Variants in ZNF451 observed in about 807,000 individuals in gnomAD.
ZNF451 encodes the protein E3 SUMO-protein ligase ZNF451.
A neutral mutation model predicts 107.1 loss-of-function variants in ZNF451; 80 were observed. That is an observed-to-expected ratio of 0.75 (90% confidence interval 0.62 to 0.90). The LOEUF (loss-of-function observed/expected upper bound fraction) is 0.90. Among genes scored for constraint, ZNF451 ranks in the 40% least tolerant of loss-of-function variants. ZNF451 has a pLI of 0.00. For missense variants in ZNF451, 1,107 were observed against 1,236.2 expected, an observed-to-expected ratio of 0.90 and a Z score of 1.57; for synonymous variants, 362 against 406.5, an observed-to-expected ratio of 0.89 and a Z score of 1.32.
At chr6:57,104,964 T>A in intron 3 of ZNF451, 1 of 984,746 alleles carries the variant, frequency 1.0e-6, no homozygotes, top group Non-Finnish European at 1.2e-6. Context: ...AATAGATTAG[T>A]TTCTTGATTG....
In ZNF451 at chr6:57,148,621, CAG is replaced by C; in HGVS notation, c.2537_2538del (p.Gln846ArgfsTer15). 1 of 1,614,006 alleles carries C rather than the reference CAG, an allele frequency of 6.2e-7. No homozygotes were observed. The highest frequency in any genetic ancestry group is 8.5e-7 in the Non-Finnish European group (1 of 1,179,930). ...SASHTERKLK[Q>X]AINYSKSLDM... The stretch of plus-strand genomic sequence containing the variant: ...CTCACATACAGAGAGAAAACTGAAA[CAG>C]GCAATAAACTATTCAAAAAGTTTAG... On this transcript the variant is annotated frameshift_variant, in exon 10 of 15. Coordinates refer to ENST00000370706, the MANE Select transcript of ZNF451 (RefSeq NM_001031623.3). LOFTEE classifies it high-confidence loss of function.
At position 57,160,327 on chromosome 6, in the gene ZNF451, G is replaced by A. The variant is rs573173500; in HGVS notation, c.3071-757G>A. 7.4e-4 allele frequency among the ~76,000 whole-genome samples: 103 copies of A among 139,972 alleles called. 1 individual carries two copies. The highest frequency in any genetic ancestry group is 9.6e-4 in the Non-Finnish European group (63 of 65,558). The allele number at this position is 139,972 out of a possible 152,430, so 91.8% of individuals were successfully genotyped here. ...CCCCTGTCTTTTCTTTTCTTTTCTC[G>A]TCTCGTCTCGTCTCATTTCATTTGA... On this transcript the variant is annotated intron_variant, in intron 13 of 14. Coordinates refer to ENST00000370706, the MANE Select transcript of ZNF451 (RefSeq NM_001031623.3).
intron 2 of ZNF451, 128 bp from the exon 3 acceptor site, chr6:57,098,933 G>A: frequency 3.4e-6 from 2 of 590,500 alleles, no homozygotes; most frequent in Non-Finnish European, 6.1e-6. Context: ...GTTATTTTCT[G>A]CTACCCACAA....
At chr6:57,141,749 GAC>G (rs1353332797) in intron 8 of ZNF451, among the ~76,000 whole-genome samples, 197 bp from the exon 9 acceptor site, 1 of 152,088 alleles carries the variant, frequency 6.6e-6, no homozygotes, top group Non-Finnish European at 1.5e-5. Context: ...CGGCATTTAA[GAC>G]TCAAATTTTA....
rs1490121790 is a variant in ZNF451 at position 57,124,757 on chromosome 6, TATTG to T, written c.214_217del (p.Asp72IlefsTer8). Reference sequence around the variant, plus strand: ...AGGAGAATATTAAACGTAAAGACCATATTGATTATCAGAAGGATAAAGTTGCTTT... The same window carrying T: ...AGGAGAATATTAAACGTAAAGACCATATTATCAGAAGGATAAAGTTGCTTT... On this transcript the variant is annotated frameshift_variant, in exon 4 of 15. Coordinates refer to ENST00000370706, the MANE Select transcript of ZNF451 (RefSeq NM_001031623.3). LOFTEE classifies it high-confidence loss of function. 1.3e-6 allele frequency: 2 copies of T among 1,593,860 alleles called. No individual in the cohort carries two copies. The highest frequency in any genetic ancestry group is 1.7e-6 in the Non-Finnish European group (2 of 1,162,718).
At chr6:57,102,160 T>G in intron 3 of ZNF451, 1 of 1,446,186 alleles carries the variant, frequency 6.9e-7, no homozygotes, top group Non-Finnish European at 9.0e-7. Flanking sequence ...TGTTCCTCCT[T>G]GTACAAATAG....
At chr6:57,138,731 ATATATATATATGTGTGTGTGTGTGTGTG>A (rs1831577354) in intron 7 of ZNF451, among the ~76,000 whole-genome samples, 1 of 113,292 alleles carries the variant, frequency 8.8e-6, no homozygotes, top group African/African-American at 3.3e-5. Context: ...ATATATATAT[ATATATATATATGTGTGTGTGTGTGTGTG>A]TGTGTGTGTG....
At chr6:57,131,425 T>C (rs1012848790) in intron 5 of ZNF451, among the ~76,000 whole-genome samples, 1 of 152,086 alleles carries the variant, frequency 6.6e-6, no homozygotes, top group African/African-American at 2.4e-5. Context: ...TATAGCTAAA[T>C]AAAGGTCCTA....
chr6:57,101,312 C>T, intron 3 of ZNF451: 1 of 1,550,696 alleles, frequency 6.4e-7, no homozygotes, highest in Non-Finnish European at 8.7e-7. Context: ...TTGGTTCCTC[C>T]ATTGCATCCT....
At chr6:57,157,170 C>T (rs2127985563) in intron 13 of ZNF451, among the ~76,000 whole-genome samples, 1 of 152,252 alleles carries the variant, frequency 6.6e-6, no homozygotes, top group African/African-American at 2.4e-5. Flanking sequence ...GTTTGAGTCT[C>T]TTATTCTTTA....
At chr6:57,107,530 A>G (rs1051768411) in intron 3 of ZNF451, 1 of 983,990 alleles carries the variant, frequency 1.0e-6, no homozygotes, top group Non-Finnish European at 1.2e-6. Flanking sequence ...AGTTTATTAT[A>G]TATAGTTTAT....
chr6:57,160,615 G>T (rs1763632017), intron 13 of ZNF451, among the ~76,000 whole-genome samples: 1 of 152,156 alleles, frequency 6.6e-6, no homozygotes, highest in African/African-American at 2.4e-5. Context: ...AATTACAGGT[G>T]TGAACAACCA....
intron 3 of ZNF451, chr6:57,106,327 T>C: frequency 1.1e-6 from 1 of 941,354 alleles, no homozygotes; most frequent in Non-Finnish European, 1.3e-6. Flanking sequence ...TTTTTTTTTT[T>C]TGAGACAGTT....
chr6:57,125,910 A>T (rs2127960718), intron 4 of ZNF451, among the ~76,000 whole-genome samples: 1 of 152,248 alleles, frequency 6.6e-6, no homozygotes, highest in East Asian at 1.9e-4. Flanking sequence ...ATTCAATTTT[A>T]AGGAAGTTCC....
At chr6:57,095,584 C>T (rs767230551) in intron 2 of ZNF451, among the ~76,000 whole-genome samples, 5 of 152,152 alleles carry the variant, frequency 3.3e-5, no homozygotes, top group Middle Eastern at 3.4e-3. Context: ...CCTCCGTCAT[C>T]GGCCTCCCAA....
intron 13 of ZNF451, among the ~76,000 whole-genome samples, chr6:57,157,238 G>A (rs935453719): frequency 1.3e-5 from 2 of 152,140 alleles, no homozygotes; most frequent in African/African-American, 4.8e-5. Flanking sequence ...TTAGACTAAA[G>A]ATTGCTGTAT....
chr6:57,131,000 T>G (rs1294449255), intron 5 of ZNF451, among the ~76,000 whole-genome samples: 1 of 152,154 alleles, frequency 6.6e-6, no homozygotes, highest in Admixed American at 6.6e-5. Flanking sequence ...ATAAATGGGC[T>G]TTAGAGAGTG....
intron 13 of ZNF451, 161 bp from the exon 14 acceptor site, chr6:57,160,923 T>C: frequency 2.3e-6 from 1 of 439,734 alleles, no homozygotes; most frequent in Non-Finnish European, 4.1e-6. Context: ...TTTTTAATAT[T>C]ATTTGGCAAG....
At chr6:57,094,579 C>A (rs1829201580) in intron 2 of ZNF451, among the ~76,000 whole-genome samples, 1 of 152,034 alleles carries the variant, frequency 6.6e-6, no homozygotes, top group African/African-American at 2.4e-5. Flanking sequence ...AATTACAGGA[C>A]CATACGCAGT....
Sources: allele counts gnomAD v4.1 joint callset (sites outside exome capture counted in the v4.1 genomes callset), GRCh38; gene constraint gnomAD v4.1.1; transcripts MANE v1.5; gene names NCBI Gene and HGNC (gene_info 2026-07-23, HGNC 2026-07-21).